The following SEC31A variants were observed in gnomAD, a reference collection of about 807,000 sequenced individuals.
SEC31A encodes protein transport protein Sec31A.
A neutral mutation model predicts 151.0 loss-of-function variants in SEC31A; 70 were observed. The observed-to-expected ratio is 0.46, with a 90% CI of 0.38 to 0.57. The LOEUF is 0.57. SEC31A is among the 20% of genes least tolerant of loss of function. SEC31A has a pLI of 0.00. For synonymous variants in SEC31A, 475 were observed against 505.9 expected (o/e 0.94, Z 0.82); for missense variants, 1,330 against 1,471.2 (o/e 0.90, Z 1.57).
At chr4:82,863,458 T>C in intron 11 of SEC31A, 66 bp from the exon 12 acceptor site, 1 of 832,274 alleles carries the variant, frequency 1.2e-6, no homozygotes, top group South Asian at 1.7e-5. Flanking sequence ...TTTATAAGAA[T>C]GAATCAAATT....
intron 22 of SEC31A, among the ~76,000 whole-genome samples, chr4:82,837,199 A>ATACATACATAT (rs56888042): frequency 2.4e-5 from 2 of 83,132 alleles, no homozygotes; most frequent in Non-Finnish European, 4.9e-5. Context: ...ATATATATAT[A>ATACATACATAT]ATTTCACCAC....
In SEC31A at chr4:82,848,984, A is replaced by C; in HGVS notation, c.2329-7T>G. ...GAAGCTGCATGATATTTGGCTAAAA[A>C]GGATTGGAAAAACAGCAGACTGTTG... On this transcript the variant is annotated splice_region_variant and splice_polypyrimidine_tract_variant and intron_variant, in intron 19 of 26. Coordinates refer to ENST00000395310, the MANE Select transcript of SEC31A (RefSeq NM_001077207.4). The C allele has an allele frequency of 3.1e-6, 5 of 1,610,948 alleles. No homozygotes were observed. Among genetic ancestry groups the C allele is most frequent in the Non-Finnish European group, 4.2e-6 (5 of 1,178,738 alleles).
chr4:82,829,103 G>A, intron 22 of SEC31A, 45 bp from the exon 23 acceptor site: 1 of 1,493,184 alleles, frequency 6.7e-7, no homozygotes, highest in Non-Finnish European at 9.3e-7. Flanking sequence ...ATCCTGAAAG[G>A]AAAAAAAATA....
chr4:82,825,018 T>C (rs1035098897), intron 24 of SEC31A, among the ~76,000 whole-genome samples: 1 of 152,164 alleles, frequency 6.6e-6, no homozygotes, highest in African/African-American at 2.4e-5. Flanking sequence ...GAAAACACAC[T>C]CGGCTGGTTA....
intron 22 of SEC31A, chr4:82,829,553 T>C (rs1030232967): frequency 3.9e-5 from 6 of 152,290 alleles, no homozygotes; most frequent in Middle Eastern, 3.4e-3. Context: ...ATGGTAGAAA[T>C]ATTCTTAAGA....
At position 82,877,056 on chromosome 4, in the gene SEC31A, G is replaced by A. The variant is rs576566973; in HGVS notation, c.403-1234C>T. Among the ~76,000 whole-genome samples, 8 of 151,988 alleles carry A rather than the reference G, an allele frequency of 5.3e-5. No homozygotes were observed. The South Asian group carries it at 1.0e-3, about 20-fold the overall frequency. ...AGTTTGGGACCAGCTTGACCAACAC[G>A]AAAAAACCCTGTCTCTACAAAAATT... On this transcript the variant is annotated intron_variant, in intron 4 of 26. Coordinates refer to ENST00000395310, the MANE Select transcript of SEC31A (RefSeq NM_001077207.4).
intron 22 of SEC31A, among the ~76,000 whole-genome samples, chr4:82,838,448 C>T (rs754191881): frequency 4.6e-5 from 7 of 152,138 alleles, no homozygotes; most frequent in Non-Finnish European, 1.0e-4. Context: ...AGGCTGTTAC[C>T]ATCTCCTACC....
At chr4:82,860,773 T>C (rs1733959842) in intron 14 of SEC31A, among the ~76,000 whole-genome samples, 1 of 152,154 alleles carries the variant, frequency 6.6e-6, no homozygotes, top group Non-Finnish European at 1.5e-5. Flanking sequence ...ACATCATGCC[T>C]GGCCTAGTTC....
upstream of SEC31A, chr4:82,895,001 C>A (rs1185336891): frequency 6.6e-6 from 1 of 152,178 alleles, no homozygotes; most frequent in Non-Finnish European, 1.5e-5. Flanking sequence ...CAATAACAAG[C>A]CTAATTCATG....
At chr4:82,897,793 C>T (rs1401345178) in intron 3 of SEC31A, 5 of 151,882 alleles carry the variant, frequency 3.3e-5, no homozygotes, top group African/African-American at 1.2e-4. Flanking sequence ...AATTTGTGGC[C>T]CATAGTAACT....
chr4:82,864,631 A>T, intron 10 of SEC31A, 33 bp from the exon 11 acceptor site: 1 of 1,594,606 alleles, frequency 6.3e-7, no homozygotes, highest in South Asian at 1.1e-5. Flanking sequence ...ACTCAGTGTT[A>T]ACCCAAGGAT....
intron 1 of SEC31A, among the ~76,000 whole-genome samples, chr4:82,885,153 A>G (rs563544890): frequency 1.4e-4 from 21 of 152,286 alleles, no homozygotes; most frequent in Admixed American, 1.4e-3. Flanking sequence ...CTACTTTGTC[A>G]TCATTACAAA....
Position 82,818,973 on chromosome 4 carries a change from T to C in SEC31A, c.*101A>G. On this transcript the variant is annotated 3_prime_UTR_variant, in exon 27 of 27. Coordinates refer to ENST00000395310, the MANE Select transcript of SEC31A (RefSeq NM_001077207.4). ...TGTAAATGCTCTTGACTGGTTGCTA[T>C]GCAAACATGCTAATGAGGACTAGTC... 1 of 897,172 alleles carries C rather than the reference T, an allele frequency of 1.1e-6. No individual in the cohort carries two copies. Among genetic ancestry groups the C allele is most frequent in the Non-Finnish European group, 1.6e-6 (1 of 609,456 alleles). The allele number at this position is 897,172 out of a possible 1,614,324, so 55.6% of individuals were successfully genotyped here.
At chr4:82,898,654 GGCAAGTGAATGCCTGTATCT>G (rs1456199071) in intron 3 of SEC31A, among the ~76,000 whole-genome samples, 1 of 152,214 alleles carries the variant, frequency 6.6e-6, no homozygotes, top group Non-Finnish European at 1.5e-5. Flanking sequence ...TTAAGAAAAT[GGCAAGTGAATGCCTGTATCT>G]GCAAACTTTT....
At chr4:82,883,026 A>C (rs1351534197) in intron 1 of SEC31A, among the ~76,000 whole-genome samples, 1 of 152,226 alleles carries the variant, frequency 6.6e-6, no homozygotes, top group East Asian at 1.9e-4. Context: ...AGGCTGAAGC[A>C]GAAGAATCAC....
At position 82,881,884 on chromosome 4, in the gene SEC31A, T is replaced by C. The variant is rs1739435334; in HGVS notation, c.53A>G (p.Gln18Arg). Residue 18 changes from glutamine (Q) to arginine (R), a missense_variant, in exon 2 of 27, where the codon CAG becomes CGG. By Grantham distance (43) the Gln-to-Arg change is conservative. Coordinates refer to ENST00000395310, the MANE Select transcript of SEC31A (RefSeq NM_001077207.4). ...RTAMQAWSPA[Q>R]NHPIYLATGT... Reference sequence around the variant, plus strand: ...TGTTGCTAGGTAAATGGGGTGATTCTGGGCAGGGCTCCATGCCTGCATGGC... The same window carrying C: ...TGTTGCTAGGTAAATGGGGTGATTCCGGGCAGGGCTCCATGCCTGCATGGC... The C allele has an allele frequency of 6.2e-7, 1 of 1,614,026 alleles. No individual in the cohort carries two copies. The highest frequency in any genetic ancestry group is 1.7e-5 in the Admixed American group (1 of 60,010).
chr4:82,854,228 T>C (rs1484970111), intron 17 of SEC31A, among the ~76,000 whole-genome samples: 1 of 152,058 alleles, frequency 6.6e-6, no homozygotes, highest in African/African-American at 2.4e-5. Context: ...CCAGGCATGG[T>C]GGTGCATGCC....
chr4:82,870,210 T>A, intron 8 of SEC31A, 115 bp downstream of exon 8: 1 of 734,862 alleles, frequency 1.4e-6, no homozygotes, highest in East Asian at 2.6e-5. Flanking sequence ...CACACACACG[T>A]CCACATACTC....
chr4:82,886,433 T>C (rs921490715), intron 1 of SEC31A, among the ~76,000 whole-genome samples: 3 of 152,200 alleles, frequency 2.0e-5, no homozygotes, highest in African/African-American at 2.4e-5. Flanking sequence ...AATGAGATCA[T>C]ACGTTTTATA....
Sources: allele counts gnomAD v4.1 joint callset (sites outside exome capture counted in the v4.1 genomes callset), GRCh38; gene constraint gnomAD v4.1.1; transcripts MANE v1.5; gene names NCBI Gene and HGNC (gene_info 2026-07-23, HGNC 2026-07-21).